KIDINS220: variants seen among roughly 807,000 people sequenced by gnomAD.
KIDINS220 encodes the protein kinase D interacting substrate 220.
In KIDINS220, 63 loss-of-function variants were observed where a neutral mutation model predicts 157.6. That is an observed-to-expected ratio of 0.40 (90% CI 0.33 to 0.49). The LOEUF is 0.49. KIDINS220 is among the 20% of genes least tolerant of loss of function. The probability of loss-of-function intolerance (pLI) is 0.66; values close to 1 mark genes in which losing one functional copy is unlikely to be tolerated. For synonymous variants in KIDINS220, 732 were observed against 783.6 expected (o/e 0.93, Z 1.10); for missense variants, 1,772 against 2,171.2 (o/e 0.82, Z 3.65).
intron 22 of KIDINS220, chr2:8,757,865 G>A: frequency 1.5e-6 from 2 of 1,291,420 alleles, no homozygotes; most frequent in African/African-American, 1.5e-5. Context: ...TGTTTTCTTT[G>A]TTGGTTTTGT....
chr2:8,779,600 A>G, intron 18 of KIDINS220, 74 bp downstream of exon 18: 1 of 1,475,580 alleles, frequency 6.8e-7, no homozygotes, highest in Non-Finnish European at 9.2e-7. Flanking sequence ...CTATTTTTAG[A>G]TATTTGTGAA....
chr2:8,814,249 A>C (rs1049848513), intron 4 of KIDINS220, among the ~76,000 whole-genome samples: 2 of 152,210 alleles, frequency 1.3e-5, no homozygotes, highest in African/African-American at 4.8e-5. Flanking sequence ...CGATTCAATA[A>C]AAAAGACCAA....
chr2:8,735,933 G>A (rs1011868749), intron 27 of KIDINS220, among the ~76,000 whole-genome samples: 4 of 152,186 alleles, frequency 2.6e-5, no homozygotes, highest in Non-Finnish European at 4.4e-5. Context: ...TCGTGTGGGA[G>A]ACCCCGCTCT....
At chr2:8,727,395 G>T (rs559679214), downstream of KIDINS220, 1 of 327,570 alleles carries the variant, frequency 3.1e-6, no homozygotes, top group Non-Finnish European at 4.4e-6. Flanking sequence ...GAAGGGGCAC[G>T]GTGCCTTCTA....
At chr2:8,828,446 T>C (rs934114375) in intron 1 of KIDINS220, among the ~76,000 whole-genome samples, 3 of 152,240 alleles carry the variant, frequency 2.0e-5, no homozygotes, top group Non-Finnish European at 4.4e-5. Flanking sequence ...TGTTCACTTA[T>C]TGTCTGTCTA....
chr2:8,803,382 AATG>A (rs1265945425), intron 7 of KIDINS220, among the ~76,000 whole-genome samples: 1 of 152,322 alleles, frequency 6.6e-6, no homozygotes, highest in East Asian at 1.9e-4. Context: ...CAGTTATTTA[AATG>A]ATAATCTGAA....
intron 2 of KIDINS220, chr2:8,826,646 A>G (rs1678856107): frequency 6.1e-6 from 1 of 163,706 alleles, no homozygotes; most frequent in Non-Finnish European, 1.3e-5. Flanking sequence ...AAGTATTTCA[A>G]CAATCCCTGA....
At chr2:8,757,739 C>G (rs1480807282) in intron 22 of KIDINS220, 2 of 1,612,366 alleles carry the variant, frequency 1.2e-6, no homozygotes, top group East Asian at 4.5e-5. Context: ...CTAACACTGA[C>G]TTGGAAATGC....
chr2:8,766,417 T>C (rs1178995649), intron 22 of KIDINS220, among the ~76,000 whole-genome samples: 2 of 152,230 alleles, frequency 1.3e-5, no homozygotes, highest in Non-Finnish European at 2.9e-5. Context: ...GAACCTGCAC[T>C]ACTCTTCATC....
downstream of KIDINS220, chr2:8,727,175 C>T (rs1663404152): frequency 8.6e-7 from 1 of 1,156,606 alleles, no homozygotes; most frequent in Admixed American, 3.7e-5. Context: ...ACGCGATAGT[C>T]TCAGAGAGCC....
chr2:8,811,633 T>C (rs1316490550), intron 6 of KIDINS220, among the ~76,000 whole-genome samples: 1 of 152,130 alleles, frequency 6.6e-6, no homozygotes, highest in Non-Finnish European at 1.5e-5. Context: ...GAAGTGAGCC[T>C]GCAAGACAGG....
intron 2 of KIDINS220, among the ~76,000 whole-genome samples, chr2:8,823,433 T>TAAAAAAA (rs35736601): frequency 7.9e-6 from 1 of 127,220 alleles, no homozygotes; most frequent in Non-Finnish European, 1.7e-5. Context: ...AGCAAAATGC[T>TAAAAAAA]AAAAAAAAAA....
chr2:8,754,094 T>C (rs868199213), intron 22 of KIDINS220, among the ~76,000 whole-genome samples: 3 of 152,126 alleles, frequency 2.0e-5, no homozygotes, highest in South Asian at 4.2e-4. Flanking sequence ...ATTGCAGGAG[T>C]TGAACACAAA....
intron 5 of KIDINS220, 64 bp from the exon 6 acceptor site, chr2:8,812,557 A>AGGAG (rs577200774): frequency 2.6e-5 from 22 of 852,408 alleles, no homozygotes; most frequent in African/African-American, 8.7e-5. Context: ...AAAGAAAGGA[A>AGGAG]GGAGGGAGGG....
At position 8,798,243 on chromosome 2, in the gene KIDINS220, C is replaced by A; in HGVS notation, c.958G>T (p.Asp320Tyr). 1.2e-6 allele frequency: 2 copies of A among 1,612,596 alleles called. No homozygotes were observed. Among genetic ancestry groups the A allele is most frequent in the Admixed American group, 3.3e-5 (2 of 60,016 alleles). Reference sequence around the variant, plus strand: ...GTGTCAGGATTGCACTGTAAGATATCTCTCACCATTGTTGCATTTCCTTTC... The same window carrying A: ...GTGTCAGGATTGCACTGTAAGATATATCTCACCATTGTTGCATTTCCTTTC... ...VEKGNATMVR[D>Y]ILQCNPDTEI... Residue 320 changes from aspartate (D) to tyrosine (Y), a missense_variant, in exon 10 of 30, where the codon GAT becomes TAT. Physicochemically the swap from Asp to Tyr is radical, Grantham distance 160. Coordinates refer to ENST00000256707, the MANE Select transcript of KIDINS220 (RefSeq NM_020738.4).
chr2:8,796,936 G>A (rs1327155238), intron 10 of KIDINS220, 67 bp from the exon 11 acceptor site: 3 of 1,120,072 alleles, frequency 2.7e-6, no homozygotes, highest in Non-Finnish European at 4.1e-6. Flanking sequence ...TCATACAAAT[G>A]CACATGTCAA....
At position 8,807,758 on chromosome 2, in the gene KIDINS220, G is replaced by A. The variant is rs573055221; in HGVS notation, c.505-1389C>T. 9.9e-5 allele frequency among the ~76,000 whole-genome samples: 15 copies of A among 152,264 alleles called. 1 individual carries two copies. In the South Asian group the frequency reaches 1.5e-3, roughly 15 times the overall value. Reference sequence around the variant, plus strand: ...CATGGGAGCCAGCACCTCACAAAACGAGGAAGAGAATGGAGGGAAAGCAGC... The same window carrying A: ...CATGGGAGCCAGCACCTCACAAAACAAGGAAGAGAATGGAGGGAAAGCAGC... On this transcript the variant is annotated intron_variant, in intron 6 of 29. Transcript: ENST00000256707.
At chr2:8,788,841 C>G in intron 14 of KIDINS220, 29 bp from the exon 15 acceptor site, 1 of 1,599,938 alleles carries the variant, frequency 6.3e-7, no homozygotes, top group Non-Finnish European at 8.5e-7. Context: ...AAAAGTTATC[C>G]AAAGCAGTCA....
chr2:8,736,108 C>T (rs1664822668), intron 27 of KIDINS220, among the ~76,000 whole-genome samples: 1 of 152,194 alleles, frequency 6.6e-6, no homozygotes, highest in Non-Finnish European at 1.5e-5. Context: ...ATGGTGTCTA[C>T]ATATGCTCAT....
Sources: allele counts gnomAD v4.1 joint callset (sites outside exome capture counted in the v4.1 genomes callset), GRCh38; gene constraint gnomAD v4.1.1; transcripts MANE v1.5; gene names NCBI Gene and HGNC (gene_info 2026-07-23, HGNC 2026-07-21).